The following LHFPL3 variants were observed in gnomAD, a reference collection of about 807,000 sequenced individuals.
The protein encoded by LHFPL3 is LHFPL tetraspan subfamily member 3.
A neutral mutation model predicts 19.3 loss-of-function variants in LHFPL3; 5 were observed. The observed-to-expected ratio is 0.26, with a 90% CI of 0.14 to 0.54. LHFPL3 has a LOEUF of 0.54. Among genes scored for constraint, LHFPL3 ranks in the 20% least tolerant of loss-of-function variants. LHFPL3 has a pLI of 0.94. For missense variants in LHFPL3, 249 were observed against 307.4 expected (o/e 0.81, Z 1.42); for synonymous variants, 133 against 126.2 (o/e 1.05, Z -0.36).
At chr7:104,366,432 A>C (rs1376214932) in intron 1 of LHFPL3, among the ~76,000 whole-genome samples, 5 of 152,216 alleles carry the variant, frequency 3.3e-5, no homozygotes, top group Non-Finnish European at 7.3e-5. Context: ...TGCTGAAATA[A>C]ATTAAGCTGA....
chr7:104,452,353 C>G (rs892840497), intron 1 of LHFPL3, among the ~76,000 whole-genome samples: 2 of 152,178 alleles, frequency 1.3e-5, no homozygotes, highest in Non-Finnish European at 1.5e-5. Context: ...TTACACTTTT[C>G]ATAGTATGCA....
chr7:104,801,717 C>A (rs761183076), intron 2 of LHFPL3, among the ~76,000 whole-genome samples: 13 of 151,990 alleles, frequency 8.6e-5, no homozygotes, highest in Non-Finnish European at 1.6e-4. Context: ...ACTACAGGCA[C>A]GTGCCACCAC....
Position 104,661,784 on chromosome 7 carries a change from A to C in LHFPL3, c.446-74891A>C, listed in dbSNP as rs76691445. On this transcript the variant is annotated intron_variant, in intron 1 of 2. Coordinates refer to ENST00000424859, the MANE Select transcript of LHFPL3 (RefSeq NM_199000.3). ...TGTAGATTTTTGCAACATCAGCATG[A>C]AATATTTTTTTCCTTATTATGTCGA... Among the ~76,000 whole-genome samples, 786 of 152,298 alleles carry C rather than the reference A, an allele frequency of 5.2e-3. 45 individuals are homozygous for C. In the East Asian group the frequency reaches 0.11, roughly 22 times the overall value.
At chr7:104,668,768 A>G in intron 1 of LHFPL3, 2 of 1,553,390 alleles carry the variant, frequency 1.3e-6, no homozygotes, top group Non-Finnish European at 1.7e-6. Context: ...GAGTACTCCT[A>G]AGGAAGATGA....
At chr7:104,472,354 A>G (rs759586089) in intron 1 of LHFPL3, among the ~76,000 whole-genome samples, 1 of 152,222 alleles carries the variant, frequency 6.6e-6, no homozygotes, top group South Asian at 2.1e-4. Flanking sequence ...TCAAATGGAT[A>G]ACACGAAACA....
intron 1 of LHFPL3, among the ~76,000 whole-genome samples, chr7:104,426,104 T>A (rs1791839152): frequency 6.6e-6 from 1 of 152,196 alleles, no homozygotes; most frequent in African/African-American, 2.4e-5. Flanking sequence ...GACATGACAT[T>A]TTCTACTTTG....
At chr7:104,778,096 C>T (rs1794661237) in intron 2 of LHFPL3, among the ~76,000 whole-genome samples, 1 of 152,186 alleles carries the variant, frequency 6.6e-6, no homozygotes, top group East Asian at 1.9e-4. Context: ...AGACCCAGGT[C>T]CTAAAAGGGT....
At chr7:104,555,168 AAGCC>A (rs1292182329) in intron 1 of LHFPL3, among the ~76,000 whole-genome samples, 1 of 152,202 alleles carries the variant, frequency 6.6e-6, no homozygotes, top group African/African-American at 2.4e-5. Context: ...GGTATCCATT[AAGCC>A]AGTTAAGTTC....
Position 104,532,730 on chromosome 7 carries a change from A to G in LHFPL3, c.445+203506A>G, listed in dbSNP as rs186466346. On this transcript the variant is annotated intron_variant, in intron 1 of 2. Coordinates refer to ENST00000424859, the MANE Select transcript of LHFPL3 (RefSeq NM_199000.3). ...TCTTTCTCTGAAGGGGAAAAAATAG[A>G]AAATGTAGGGTGAAAATTATACATT... Among the ~76,000 whole-genome samples, 198 of 152,318 alleles carry G rather than the reference A, an allele frequency of 1.3e-3. 1 individual carries two copies. Among genetic ancestry groups the G allele is most frequent in the Non-Finnish European group, 2.5e-3 (167 of 68,030 alleles).
intron 1 of LHFPL3, among the ~76,000 whole-genome samples, chr7:104,607,168 A>C (rs1023052314): frequency 2.6e-5 from 4 of 152,218 alleles, no homozygotes; most frequent in Non-Finnish European, 5.9e-5. Context: ...TAGCTTTGGG[A>C]AGGGCTATTA....
At chr7:104,472,035 G>A (rs1016248017) in intron 1 of LHFPL3, among the ~76,000 whole-genome samples, 1 of 152,094 alleles carries the variant, frequency 6.6e-6, no homozygotes, top group African/African-American at 2.4e-5. Context: ...AAAATTAGCC[G>A]AGGGTGGGGC....
chr7:104,846,196 T>C (rs1791310159), intron 2 of LHFPL3, among the ~76,000 whole-genome samples: 1 of 152,210 alleles, frequency 6.6e-6, no homozygotes, highest in Non-Finnish European at 1.5e-5. Flanking sequence ...AACTGAGTGA[T>C]TTCAATATGT....
At chr7:104,420,088 G>A (rs911267843) in intron 1 of LHFPL3, among the ~76,000 whole-genome samples, 1 of 152,196 alleles carries the variant, frequency 6.6e-6, no homozygotes, top group African/African-American at 2.4e-5. Flanking sequence ...GAACTCAGTC[G>A]TGTGGAAGAC....
chr7:104,736,775 G>A lies in LHFPL3; in HGVS notation c.546G>A (p.Gly182=). The A allele has an allele frequency of 6.2e-7, 1 of 1,613,548 alleles. No homozygotes were observed. Among genetic ancestry groups the A allele is most frequent in the South Asian group, 1.1e-5 (1 of 90,948 alleles). ...AAAAGACAGACAAGTACACTCTTGG[G>A]GCTTGCTCAGTCCGCTGGGCATACA... ...CGEKTDKYTL[G]ACSVRWAYIL... The change falls in exon 2 of 3, where the codon GGG becomes GGA. Residue 182 remains glycine (G), a synonymous_variant. Transcript: ENST00000424859.
chr7:104,685,964 A>G (rs1414712007), intron 1 of LHFPL3, among the ~76,000 whole-genome samples: 1 of 152,256 alleles, frequency 6.6e-6, no homozygotes, highest in East Asian at 1.9e-4. Flanking sequence ...TGTATTAGGT[A>G]GAAATACCAT....
intron 1 of LHFPL3, among the ~76,000 whole-genome samples, chr7:104,333,275 T>C (rs748492845): frequency 1.8e-4 from 27 of 152,244 alleles, no homozygotes; most frequent in Non-Finnish European, 3.1e-4. Flanking sequence ...TTTTCTTTTC[T>C]TTTTATAAGC....
At chr7:104,865,583 C>G (rs576140742) in intron 2 of LHFPL3, among the ~76,000 whole-genome samples, 1 of 152,102 alleles carries the variant, frequency 6.6e-6, no homozygotes, top group Middle Eastern at 3.2e-3. Context: ...TGTGAGAAGA[C>G]CAAATCTACG....
intron 1 of LHFPL3, among the ~76,000 whole-genome samples, chr7:104,608,502 G>T (rs1205938922): frequency 3.3e-5 from 4 of 122,392 alleles, no homozygotes; most frequent in Non-Finnish European, 5.1e-5. Flanking sequence ...GTTGTGGGGT[G>T]GGGGGAGGGG....
At chr7:104,775,924 A>T (rs1016251697) in intron 2 of LHFPL3, among the ~76,000 whole-genome samples, 8 of 150,758 alleles carry the variant, frequency 5.3e-5, no homozygotes, top group Non-Finnish European at 1.0e-4. Flanking sequence ...TTGATTTTCC[A>T]TGTGTACTCT....
Sources: gnomAD v4.1 joint callset for allele counts (sites outside exome capture counted in the v4.1 genomes callset) on GRCh38, gnomAD v4.1.1 for gene constraint, MANE v1.5 for transcripts, NCBI Gene and HGNC (gene_info 2026-07-23, HGNC 2026-07-21) for gene names.